EYS: variants seen among roughly 807,000 people sequenced by gnomAD.
The protein encoded by EYS is protein eyes shut homolog.
In EYS, 250 loss-of-function variants were observed where a neutral mutation model predicts 282.1. That is an observed-to-expected ratio of 0.89 (90% CI 0.80 to 0.98). EYS has a LOEUF of 0.98. EYS is among the 50% of genes least tolerant of loss of function. The pLI is 0.00. For synonymous variants in EYS, 1,355 were observed against 1,282.9 expected, an observed-to-expected ratio of 1.06 and a Z score of -1.20; for missense variants, 4,016 against 3,709.0, an observed-to-expected ratio of 1.08 and a Z score of -2.15.
intron 8 of EYS, among the ~76,000 whole-genome samples, chr6:65,380,985 C>T (rs1049497272): frequency 1.1e-4 from 16 of 152,016 alleles, no homozygotes; most frequent in Admixed American, 2.0e-4. Flanking sequence ...GGCGAGGATG[C>T]GGAGAAATAG....
Position 65,606,896 on chromosome 6 carries a change from C to A in EYS, c.-333+32882G>T, listed in dbSNP as rs544958722. On this transcript the variant is annotated intron_variant, in intron 2 of 42. Transcript: ENST00000503581. ...TCTCTTCCAAAGTATTTTTTTTTTG[C>A]AATTTTGAATTTACTAGTTATTTTA... is the stretch of plus-strand genomic sequence containing the variant. 6.2e-5 allele frequency among the ~76,000 whole-genome samples: 9 copies of A among 144,298 alleles called. No individual in the cohort carries two copies. The East Asian group carries it at 8.1e-4, about 13-fold the overall frequency. The allele number at this position is 144,298 out of a possible 152,430, so 94.7% of individuals were successfully genotyped here. A position where few individuals can be genotyped will look rare whatever the true frequency, so the allele number is the denominator to read the frequency against.
At chr6:64,032,461 G>A (rs931943407) in intron 33 of EYS, among the ~76,000 whole-genome samples, 1 of 152,130 alleles carries the variant, frequency 6.6e-6, no homozygotes, top group Admixed American at 6.5e-5. Flanking sequence ...CAAATGTGTG[G>A]GTTTTCTATA....
intron 26 of EYS, among the ~76,000 whole-genome samples, chr6:64,456,791 A>T (rs890100969): frequency 2.0e-5 from 3 of 152,032 alleles, no homozygotes; most frequent in African/African-American, 7.2e-5. Flanking sequence ...TGTGGTACAT[A>T]AAAGTCTCTC....
intron 22 of EYS, among the ~76,000 whole-genome samples, chr6:64,689,213 C>T (rs1019546013): frequency 5.9e-5 from 9 of 152,092 alleles, no homozygotes; most frequent in Non-Finnish European, 8.8e-5. Context: ...AGTGAACTCC[C>T]ATTCACAATT....
At chr6:64,485,214 G>A (rs1490189693) in intron 26 of EYS, among the ~76,000 whole-genome samples, 5 of 151,588 alleles carry the variant, frequency 3.3e-5, no homozygotes, top group African/African-American at 4.8e-5. Flanking sequence ...TGGCCTGTAG[G>A]AAGGAAGAGA....
intron 26 of EYS, among the ~76,000 whole-genome samples, chr6:64,510,608 G>A (rs1004648680): frequency 9.2e-5 from 14 of 152,046 alleles, no homozygotes; most frequent in African/African-American, 3.1e-4. Context: ...CTATTAGTGC[G>A]CTGCACAAAA....
chr6:63,753,464 A>G (rs1021814056), intron 41 of EYS, among the ~76,000 whole-genome samples: 5 of 152,096 alleles, frequency 3.3e-5, no homozygotes, highest in African/African-American at 4.8e-5. Flanking sequence ...CTAGATTTTA[A>G]AAAAAATCTT....
chr6:65,645,874 G>C (rs1261757991), intron 1 of EYS, among the ~76,000 whole-genome samples: 1 of 151,964 alleles, frequency 6.6e-6, no homozygotes, highest in Admixed American at 6.6e-5. Context: ...AAATACAAAA[G>C]ATTATTCAAG....
chr6:65,446,009 A>C (rs1057339000), intron 5 of EYS, among the ~76,000 whole-genome samples: 10 of 151,848 alleles, frequency 6.6e-5, no homozygotes, highest in African/African-American at 2.4e-4. Flanking sequence ...GAAAATTTTC[A>C]TAGTATAAAT....
intron 26 of EYS, among the ~76,000 whole-genome samples, chr6:64,516,317 G>A (rs183239114): frequency 9.6e-4 from 145 of 151,662 alleles, no homozygotes; most frequent in Middle Eastern, 3.4e-3. Flanking sequence ...GTGGAAGGAG[G>A]GAGAGGACCA....
At chr6:63,891,655 T>G (rs970151791) in intron 35 of EYS, among the ~76,000 whole-genome samples, 2 of 152,184 alleles carry the variant, frequency 1.3e-5, no homozygotes, top group Admixed American at 1.3e-4. Flanking sequence ...GCTGGTAGCA[T>G]TCCCTTTGAA....
intron 2 of EYS, among the ~76,000 whole-genome samples, chr6:65,534,815 A>G (rs987391571): frequency 3.3e-5 from 5 of 151,582 alleles, no homozygotes; most frequent in Admixed American, 2.0e-4. Flanking sequence ...ATAATTCCTG[A>G]CTCCATTGCT....
At chr6:65,646,705 C>A (rs1240303831) in intron 1 of EYS, among the ~76,000 whole-genome samples, 1 of 152,032 alleles carries the variant, frequency 6.6e-6, no homozygotes, top group Non-Finnish European at 1.5e-5. Flanking sequence ...TAAAAGACAT[C>A]CAATTTGGTA....
chr6:64,552,638 G>C (rs963694954), intron 26 of EYS, among the ~76,000 whole-genome samples: 1 of 152,004 alleles, frequency 6.6e-6, no homozygotes, highest in Non-Finnish European at 1.5e-5. Context: ...AATTTGGCCT[G>C]GCAAGGTGGC....
At chr6:64,619,248 T>C (rs539151010) in intron 23 of EYS, among the ~76,000 whole-genome samples, 1 of 152,286 alleles carries the variant, frequency 6.6e-6, no homozygotes, top group African/African-American at 2.4e-5. Context: ...ATTTAAGCAA[T>C]TAAAATGACA....
intron 2 of EYS, among the ~76,000 whole-genome samples, chr6:65,616,251 G>A (rs1023143564): frequency 2.6e-5 from 4 of 152,058 alleles, no homozygotes; most frequent in African/African-American, 9.7e-5. Flanking sequence ...TCTGCTCTGT[G>A]AGTTTCTTCA....
chr6:63,810,536 G>A (rs1429324335), intron 36 of EYS, among the ~76,000 whole-genome samples: 1 of 152,138 alleles, frequency 6.6e-6, no homozygotes, highest in Non-Finnish European at 1.5e-5. Context: ...AGGCAGCTGG[G>A]GCTGGCCAGC....
intron 34 of EYS, among the ~76,000 whole-genome samples, chr6:63,998,444 A>G (rs1316492745): frequency 6.6e-6 from 1 of 152,226 alleles, no homozygotes; most frequent in Non-Finnish European, 1.5e-5. Flanking sequence ...AATGTCTACT[A>G]AAATTAGATC....
At chr6:64,119,180 A>T (rs942497496) in intron 31 of EYS, among the ~76,000 whole-genome samples, 1 of 152,144 alleles carries the variant, frequency 6.6e-6, no homozygotes, top group Non-Finnish European at 1.5e-5. Context: ...TAGAAATGTG[A>T]AACTGTTCAG....
Sources: gnomAD v4.1 joint callset for allele counts (sites outside exome capture counted in the v4.1 genomes callset) on GRCh38, gnomAD v4.1.1 for gene constraint, MANE v1.5 for transcripts, NCBI Gene and HGNC (gene_info 2026-07-23, HGNC 2026-07-21) for gene names.